Variants in MGAM observed in about 807,000 individuals in gnomAD.
The protein encoded by MGAM is alpha-1,4-glucosidase.
In MGAM, 253 loss-of-function variants were observed where a neutral mutation model predicts 358.8. The ratio of observed to expected loss-of-function variants is 0.71; its 90% CI spans 0.64 to 0.78. The LOEUF (loss-of-function observed/expected upper bound fraction) is 0.78, where lower values mean the gene tolerates loss of function less well. Ranked by LOEUF, MGAM falls within the 30% of genes least tolerant of loss-of-function variation. MGAM has a pLI of 0.00. For missense variants in MGAM, 3,080 were observed against 3,432.6 expected, an observed-to-expected ratio of 0.90 and a Z score of 2.57; for synonymous variants, 1,105 against 1,227.1, an observed-to-expected ratio of 0.90 and a Z score of 2.08.
Position 142,097,557 on chromosome 7 carries a change from G to A in MGAM, c.7693-36G>A. 3.1e-6 allele frequency: 5 copies of A among 1,589,826 alleles called. No individual in the cohort carries two copies. The East Asian group carries it at 6.7e-5, about 21-fold the overall frequency. On this transcript the variant is annotated intron_variant, in intron 65 of 70. Coordinates refer to ENST00000475668, the MANE Select transcript of MGAM (RefSeq NM_001365693.1). ...TTTGGTTTCTCTGTCCTGGAAAATG[G>A]TGCCACTGCCACACCTTGTTTATGT...
chr7:142,068,427 G>A lies in MGAM; in HGVS notation c.5005-220G>A, dbSNP rs752781046. Among the ~76,000 whole-genome samples, 2 of 145,220 alleles carry A rather than the reference G, an allele frequency of 1.4e-5. 1 individual carries two copies. The highest frequency in any genetic ancestry group is 3.1e-5 in the Non-Finnish European group (2 of 64,206). On this transcript the variant is annotated intron_variant, in intron 42 of 70. Transcript: ENST00000475668. ...GTGATTTATTTTTTCCCGAAGTCCTGGATATCAAAGTGCTTTATGAAAGCC... is the reference window on the plus strand; with the variant it reads ...GTGATTTATTTTTTCCCGAAGTCCTAGATATCAAAGTGCTTTATGAAAGCC...
intron 19 of MGAM, 118 bp downstream of exon 19, chr7:142,038,733 G>A: frequency 2.9e-6 from 2 of 686,662 alleles, no homozygotes; most frequent in Admixed American, 6.6e-5. Context: ...AGTCAGCCTT[G>A]AAGAGAGTGT....
At chr7:142,063,000 A>T (rs1049796968) in intron 35 of MGAM, among the ~76,000 whole-genome samples, 1 of 152,182 alleles carries the variant, frequency 6.6e-6, no homozygotes, top group African/African-American at 2.4e-5. Flanking sequence ...GGAGTTTGAG[A>T]CCAGCCTGAC....
rs779474072 is a variant in MGAM at position 142,066,892 on chromosome 7, C to T, written c.4919+171C>T. ...GTCTTTAGCACAGTGTTATACATAC[C>T]GTAGGTCATAAAAAAAGGGTATTTA... On this transcript the variant is annotated intron_variant, in intron 41 of 70. Transcript: ENST00000475668. Among the ~76,000 whole-genome samples, 15 of 145,906 alleles carry T rather than the reference C, an allele frequency of 1.0e-4. 1 individual carries two copies. Among genetic ancestry groups the T allele is most frequent in the Admixed American group, 1.4e-4 (2 of 14,538 alleles).
rs73524547 is a variant in MGAM at position 142,089,378 on chromosome 7, G to A, written c.6811-2535G>A. Among the ~76,000 whole-genome samples, 694 of 146,942 alleles carry A rather than the reference G, an allele frequency of 4.7e-3. 25 individuals are homozygous for A. Among genetic ancestry groups the A allele is most frequent in the African/African-American group, 0.015 (640 of 41,322 alleles). On this transcript the variant is annotated intron_variant, in intron 57 of 70. Transcript: ENST00000475668. ...AAAATATCTCTCACCTCAAACGCCAGTTATACCCCTGATGAGAAACACTTC... is the reference window on the plus strand; with the variant it reads ...AAAATATCTCTCACCTCAAACGCCAATTATACCCCTGATGAGAAACACTTC...
chr7:142,010,266 C>T (rs959983070), intron 3 of MGAM, among the ~76,000 whole-genome samples: 4 of 152,142 alleles, frequency 2.6e-5, no homozygotes, highest in East Asian at 1.9e-4. Context: ...AACTCTAGTT[C>T]GGATCTTTAG....
intron 17 of MGAM, 138 bp from the exon 18 acceptor site, chr7:142,036,685 C>A (rs2129008245): frequency 1.1e-6 from 1 of 876,380 alleles, no homozygotes; most frequent in East Asian, 2.5e-5. Context: ...TGGTACTACT[C>A]AGAAGCGAGG....
Position 142,021,703 on chromosome 7 carries a change from A to G in MGAM, c.676A>G (p.Ile226Val). 1.2e-6 allele frequency: 2 copies of G among 1,613,942 alleles called. No homozygotes were observed. Among genetic ancestry groups the G allele is most frequent in the South Asian group, 2.2e-5 (2 of 91,080 alleles). The change falls in exon 6 of 71, where the codon ATC becomes GTC. Residue 226 changes from isoleucine to valine, a missense_variant. This residue lies in a region of MGAM where 1,816 missense variants were observed against 1,840.5 expected (regional missense o/e 0.99). Coordinates refer to ENST00000475668, the MANE Select transcript of MGAM (RefSeq NM_001365693.1). Reference protein sequence around the residue: ...QVEISRQPFSIKVTRRSNNRV... With the variant: ...QVEISRQPFSVKVTRRSNNRV... ...TGAAATCTCCAGACAGCCATTTAGCATCAAAGTGACCAGAAGAAGCAACAA... is the reference window on the plus strand; with the variant it reads ...TGAAATCTCCAGACAGCCATTTAGCGTCAAAGTGACCAGAAGAAGCAACAA...
At chr7:142,042,679 A>C (rs868648127) in intron 21 of MGAM, among the ~76,000 whole-genome samples, 1 of 33,924 alleles carries the variant, frequency 2.9e-5, no homozygotes, top group African/African-American at 1.1e-4. Context: ...TATATAATAT[A>C]TAATATATAT....
chr7:142,036,630 A>G (rs147148337), intron 17 of MGAM, among the ~76,000 whole-genome samples, 193 bp from the exon 18 acceptor site: 1 of 152,360 alleles, frequency 6.6e-6, no homozygotes, highest in African/African-American at 2.4e-5. Context: ...GGAATCTTAA[A>G]GAATGAGGAA....
At chr7:142,076,478 G>T (rs1223566513) in intron 46 of MGAM, 181 bp from the exon 47 acceptor site, 1 of 860,760 alleles carries the variant, frequency 1.2e-6, no homozygotes. Context: ...TTTTATGATT[G>T]TATCAAATTA....
At chr7:142,027,483 C>A in intron 9 of MGAM, 127 bp from the exon 10 acceptor site, 1 of 1,098,398 alleles carries the variant, frequency 9.1e-7, no homozygotes, top group South Asian at 1.7e-5. Flanking sequence ...AATAGACTAA[C>A]ATTCTAACAT....
chr7:142,098,508 G>T (rs1816150791), intron 66 of MGAM, among the ~76,000 whole-genome samples: 2 of 152,244 alleles, frequency 1.3e-5, no homozygotes, highest in South Asian at 2.1e-4. Context: ...CATCCAAGGG[G>T]ATTGCAGTGA....
rs948376048 is a variant in MGAM, at chr7:142,056,959, T to C, written c.3693+17T>C. 6.2e-7 allele frequency: 1 copy of C among 1,611,930 alleles called. No homozygotes were observed. The highest frequency in any genetic ancestry group is 2.2e-5 in the East Asian group (1 of 44,854). ...TACACTGAGGTAGGGGGAAATCCAATTGTTTATCAAGTACTTACACAGCAC... is the reference window on the plus strand; with the variant it reads ...TACACTGAGGTAGGGGGAAATCCAACTGTTTATCAAGTACTTACACAGCAC... On this transcript the variant is annotated intron_variant, in intron 30 of 70. Transcript: ENST00000475668.
Position 142,088,782 on chromosome 7 carries a change from T to A in MGAM, c.6810+2065T>A, listed in dbSNP as rs1260708121. ...CTATCTATCTATCTATCTATCTATC[T>A]ATCTATCTATCTATCTATCATTCTA... On this transcript the variant is annotated intron_variant, in intron 57 of 70. Transcript: ENST00000475668. Among the ~76,000 whole-genome samples the A allele has an allele frequency of 6.8e-4, 88 of 129,204 alleles. 3 individuals carry two copies. Among genetic ancestry groups the A allele is most frequent in the South Asian group, 3.0e-3 (12 of 3,952 alleles). 84.8% of individuals were successfully genotyped at this position (129,204 alleles called of 152,430 possible). A position where few individuals can be genotyped will look rare whatever the true frequency, so the allele number is the denominator to read the frequency against.
At chr7:142,087,910 A>G (rs1198199960) in intron 57 of MGAM, among the ~76,000 whole-genome samples, 1 of 146,444 alleles carries the variant, frequency 6.8e-6, no homozygotes, top group Non-Finnish European at 1.5e-5. Context: ...ATTGTATCCC[A>G]TGGACAGAGG....
chr7:142,034,331 A>G lies in MGAM; in HGVS notation c.1739A>G (p.Tyr580Cys). Reference protein sequence around the residue: ...MDAVQHWGKQYDIHNLYGYSM... With the variant: ...MDAVQHWGKQCDIHNLYGYSM... ...GCAGTGCAGCACTGGGGCAAGCAGT[A>G]TGACATTCACAATCTGTATGGCTAC... Residue 580 changes from tyrosine to cysteine, a missense_variant, in exon 15 of 71, where the codon TAT becomes TGT. Tyr to Cys is a radical substitution (Grantham distance 194). Coordinates refer to ENST00000475668, the MANE Select transcript of MGAM (RefSeq NM_001365693.1). 2 of 1,597,484 alleles carry G rather than the reference A, an allele frequency of 1.3e-6. No individual in the cohort carries two copies. The highest frequency in any genetic ancestry group is 1.7e-6 in the Non-Finnish European group (2 of 1,171,730).
chr7:142,095,736 A>G lies in MGAM; in HGVS notation c.7607+23A>G, dbSNP rs768462832. On this transcript the variant is annotated intron_variant, in intron 64 of 70. Coordinates refer to ENST00000475668, the MANE Select transcript of MGAM (RefSeq NM_001365693.1). The stretch of plus-strand genomic sequence containing the variant: ...TGAGTGAGTGTCCAGCAGGGATCCC[A>G]ATGCCTAATGGATGACTTATTGCAT... 1.9e-5 allele frequency: 31 copies of G among 1,610,288 alleles called. No homozygotes were observed. In the African/African-American group the frequency reaches 2.2e-4, roughly 11 times the overall value.
At chr7:142,066,106 G>T (rs1249378316) in intron 40 of MGAM, among the ~76,000 whole-genome samples, 1 of 144,616 alleles carries the variant, frequency 6.9e-6, no homozygotes, top group Non-Finnish European at 1.6e-5. Flanking sequence ...TGGGATAAAG[G>T]CACATCCCAG....
Sources: allele counts gnomAD v4.1 joint callset (sites outside exome capture counted in the v4.1 genomes callset), GRCh38; gene constraint gnomAD v4.1.1; regional missense constraint gnomAD v4.1.1; transcripts MANE v1.5; gene names NCBI Gene and HGNC (gene_info 2026-07-23, HGNC 2026-07-21).